The following TMEM132C variants were observed in gnomAD, a reference collection of about 807,000 sequenced individuals.
The protein encoded by TMEM132C is protein phosphatase 1, regulatory subunit 152.
A neutral mutation model predicts 61.4 loss-of-function variants in TMEM132C; 29 were observed. That is an observed-to-expected ratio of 0.47 (90% CI 0.35 to 0.64). The LOEUF is 0.64. TMEM132C is among the 30% of genes least tolerant of loss of function. The probability of loss-of-function intolerance (pLI) is 0.00; values close to 1 mark genes in which losing one functional copy is unlikely to be tolerated. For synonymous variants in TMEM132C, 656 were observed against 633.1 expected (o/e 1.04, Z -0.54); for missense variants, 1,408 against 1,476.9 (o/e 0.95, Z 0.76).
intron 2 of TMEM132C, among the ~76,000 whole-genome samples, chr12:128,490,189 G>A (rs1871668339): frequency 6.6e-6 from 1 of 152,212 alleles, no homozygotes; most frequent in Admixed American, 6.5e-5. Flanking sequence ...CCTTCACCGA[G>A]TGTGAAAGAG....
At chr12:128,618,744 C>G (rs1398003902) in intron 4 of TMEM132C, among the ~76,000 whole-genome samples, 2 of 152,290 alleles carry the variant, frequency 1.3e-5, no homozygotes, top group South Asian at 4.1e-4. Flanking sequence ...TGCCTTCTGC[C>G]ATGATTGTGA....
At chr12:128,552,954 A>G (rs1385881947) in intron 3 of TMEM132C, among the ~76,000 whole-genome samples, 2 of 152,198 alleles carry the variant, frequency 1.3e-5, no homozygotes, top group Non-Finnish European at 2.9e-5. Context: ...ATTGAAGTCT[A>G]GCTAGCTAAT....
intron 5 of TMEM132C, among the ~76,000 whole-genome samples, chr12:128,690,457 C>G (rs998172131): frequency 5.3e-5 from 8 of 152,138 alleles, no homozygotes; most frequent in South Asian, 2.1e-4. Context: ...GACGATGGCT[C>G]TATCATGCAC....
intron 1 of TMEM132C, among the ~76,000 whole-genome samples, chr12:128,411,037 A>G (rs1868518741): frequency 6.6e-6 from 1 of 152,120 alleles, no homozygotes; most frequent in Non-Finnish European, 1.5e-5. Context: ...TTAGATGCAA[A>G]TTATGCAAAT....
Position 128,706,266 on chromosome 12 carries a change from T to C in TMEM132C, c.3298T>C (p.Tyr1100His), listed in dbSNP as rs1224151368. The change falls in exon 9 of 9, where the codon TAT becomes CAT. Residue 1100 changes from tyrosine (Y) to histidine (H), a missense_variant. Transcript: ENST00000435159. ...GGGTGCCCCCAAGGAACTTAGAAACTATCTGGAGAAACTCAAAGATAAGGC... is the reference window on the plus strand; with the variant it reads ...GGGTGCCCCCAAGGAACTTAGAAACCATCTGGAGAAACTCAAAGATAAGGC... ...AVGAPKELRN[Y>H]LEKLKDKA 2 of 1,547,246 alleles carry C rather than the reference T, an allele frequency of 1.3e-6. No individual in the cohort carries two copies. Among genetic ancestry groups the C allele is most frequent in the East Asian group, 2.4e-5 (1 of 40,848 alleles).
At chr12:128,575,230 A>G (rs1347351262) in intron 3 of TMEM132C, among the ~76,000 whole-genome samples, 1 of 152,242 alleles carries the variant, frequency 6.6e-6, no homozygotes, top group African/African-American at 2.4e-5. Context: ...CTATAATCCC[A>G]ACACTTTGGG....
At chr12:128,531,581 G>T (rs534469351) in intron 2 of TMEM132C, among the ~76,000 whole-genome samples, 1 of 152,192 alleles carries the variant, frequency 6.6e-6, no homozygotes, top group South Asian at 2.1e-4. Flanking sequence ...AGGCACATGC[G>T]TGTGCACACA....
At chr12:128,506,688 G>A (rs1420351724) in intron 2 of TMEM132C, among the ~76,000 whole-genome samples, 1 of 152,102 alleles carries the variant, frequency 6.6e-6, no homozygotes, top group Non-Finnish European at 1.5e-5. Flanking sequence ...TGTTGGTAAT[G>A]CCCGGCCTCC....
At position 128,472,264 on chromosome 12, in the gene TMEM132C, G is replaced by A. The variant is rs12300487; in HGVS notation, c.974+56644G>A. On this transcript the variant is annotated intron_variant, in intron 2 of 8. Transcript: ENST00000435159. ...AAAGACACTCTCTGCAGCCCCATGC[G>A]TCTTTTCACCTGTCTGGCCAATTAT... is the stretch of plus-strand genomic sequence containing the variant. Among the ~76,000 whole-genome samples the A allele has an allele frequency of 5.0e-3, 766 of 152,256 alleles. 9 individuals are homozygous for A. Among genetic ancestry groups the A allele is most frequent in the African/African-American group, 0.017 (720 of 41,528 alleles).
chr12:128,587,981 A>G (rs1013566984), intron 3 of TMEM132C, among the ~76,000 whole-genome samples: 3 of 152,170 alleles, frequency 2.0e-5, no homozygotes, highest in Admixed American at 2.0e-4. Flanking sequence ...GCAGCATCCA[A>G]CTCTTAAATA....
chr12:128,669,375 G>C (rs1211870677), intron 4 of TMEM132C, 42 bp from the exon 5 acceptor site: 1 of 1,547,864 alleles, frequency 6.5e-7, no homozygotes, highest in Non-Finnish European at 8.7e-7. Context: ...CAACAGAATG[G>C]AATATCTCCC....
intron 2 of TMEM132C, among the ~76,000 whole-genome samples, chr12:128,481,329 G>A (rs1035005025): frequency 1.4e-4 from 22 of 151,976 alleles, no homozygotes; most frequent in African/African-American, 3.9e-4. Context: ...CTGGAGGATC[G>A]TGAAGTGTGT....
At chr12:128,547,399 C>CAAAA (rs3044078) in intron 3 of TMEM132C, among the ~76,000 whole-genome samples, 1 of 139,584 alleles carries the variant, frequency 7.2e-6, no homozygotes, top group Non-Finnish European at 1.5e-5. Context: ...ACTAAAAATA[C>CAAAA]AAAAAAAAAA....
At chr12:128,704,954 T>C in intron 8 of TMEM132C, 136 bp from the exon 9 acceptor site, 1 of 947,060 alleles carries the variant, frequency 1.1e-6, no homozygotes, top group Non-Finnish European at 1.5e-6. Flanking sequence ...CCTGTATGAT[T>C]TCTCCCCAGA....
rs536433903 is a variant in TMEM132C, at chr12:128,650,568, A to AATT, written c.1306-18844_1306-18842dup. On this transcript the variant is annotated intron_variant, in intron 4 of 8. Transcript: ENST00000435159. ...GTGAGACCCCATCTCTACCAAAAAG[A>AATT]ATTATTAATAATATCAGGGCAAGGA... Among the ~76,000 whole-genome samples, 320 of 152,138 alleles carry AATT rather than the reference A, an allele frequency of 2.1e-3. 2 individuals carry two copies. Among genetic ancestry groups the AATT allele is most frequent in the African/African-American group, 7.1e-3 (296 of 41,522 alleles).
intron 4 of TMEM132C, among the ~76,000 whole-genome samples, chr12:128,626,095 T>A (rs1459048618): frequency 6.6e-6 from 1 of 151,958 alleles, no homozygotes; most frequent in Non-Finnish European, 1.5e-5. Flanking sequence ...CCTGAAGTTA[T>A]TTTGAATTTT....
At chr12:128,487,098 G>A (rs147111549) in intron 2 of TMEM132C, among the ~76,000 whole-genome samples, 26 of 152,264 alleles carry the variant, frequency 1.7e-4, no homozygotes, top group Non-Finnish European at 2.1e-4. Flanking sequence ...CCCAGCCACC[G>A]ACCAAGGGAC....
intron 2 of TMEM132C, among the ~76,000 whole-genome samples, chr12:128,496,043 C>G (rs930003920): frequency 1.7e-4 from 26 of 152,108 alleles, no homozygotes; most frequent in Middle Eastern, 3.4e-3. Context: ...GACAAAATCT[C>G]TCAGCATTTG....
intron 2 of TMEM132C, among the ~76,000 whole-genome samples, chr12:128,533,948 TACACACACACACACAC>T (rs55794743): frequency 1.4e-5 from 2 of 145,784 alleles, no homozygotes; most frequent in South Asian, 2.3e-4. Flanking sequence ...CATGCGCACA[TACACACACACACACAC>T]ACACACACAC....
Sources: gnomAD v4.1 joint callset for allele counts (sites outside exome capture counted in the v4.1 genomes callset) on GRCh38, gnomAD v4.1.1 for gene constraint, MANE v1.5 for transcripts, NCBI Gene and HGNC (gene_info 2026-07-23, HGNC 2026-07-21) for gene names.